HS6ST3: variants seen among roughly 807,000 people sequenced by gnomAD.
HS6ST3 encodes the protein heparan sulfate 6-O-sulfotransferase 3.
A neutral mutation model predicts 36.7 loss-of-function variants in HS6ST3; 12 were observed. That is an observed-to-expected ratio of 0.33 (90% confidence interval 0.21 to 0.53). The LOEUF (loss-of-function observed/expected upper bound fraction) is 0.53. HS6ST3 is among the 20% of genes least tolerant of loss of function. The pLI is 0.95. For missense variants in HS6ST3, 584 were observed against 640.9 expected (o/e 0.91, Z 0.96); for synonymous variants, 240 against 257.5 (o/e 0.93, Z 0.65).
At chr13:96,322,414 A>G (rs571172854) in intron 1 of HS6ST3, among the ~76,000 whole-genome samples, 2 of 148,188 alleles carry the variant, frequency 1.3e-5, no homozygotes, top group East Asian at 2.0e-4. Flanking sequence ...AGCATTATCC[A>G]GGTGTGGTGG....
At chr13:96,290,729 T>C (rs1481987657) in intron 1 of HS6ST3, among the ~76,000 whole-genome samples, 2 of 152,170 alleles carry the variant, frequency 1.3e-5, no homozygotes, top group East Asian at 3.9e-4. Context: ...ATTCCTTGGC[T>C]CAGAACCCAC....
intron 1 of HS6ST3, among the ~76,000 whole-genome samples, chr13:96,393,900 A>G (rs2055408164): frequency 6.6e-6 from 1 of 152,160 alleles, no homozygotes; most frequent in Non-Finnish European, 1.5e-5. Flanking sequence ...TTCTTAGTGG[A>G]TAAGGCCACT....
intron 1 of HS6ST3, among the ~76,000 whole-genome samples, chr13:96,200,636 A>G (rs972007527): frequency 6.6e-6 from 1 of 151,854 alleles, no homozygotes; most frequent in African/African-American, 2.4e-5. Flanking sequence ...ATTTTTTCCC[A>G]TTTGTTATAT....
At chr13:96,662,124 G>T (rs1238943985) in intron 1 of HS6ST3, among the ~76,000 whole-genome samples, 1 of 152,090 alleles carries the variant, frequency 6.6e-6, no homozygotes, top group Non-Finnish European at 1.5e-5. Flanking sequence ...AGTCTCTTGT[G>T]TCTGAATATC....
At chr13:96,409,851 A>G (rs1395239381) in intron 1 of HS6ST3, among the ~76,000 whole-genome samples, 3 of 152,200 alleles carry the variant, frequency 2.0e-5, no homozygotes, top group South Asian at 4.1e-4. Flanking sequence ...GTTACACCAT[A>G]TAAAACATCT....
At chr13:96,353,851 C>T (rs2055196897) in intron 1 of HS6ST3, among the ~76,000 whole-genome samples, 2 of 152,208 alleles carry the variant, frequency 1.3e-5, no homozygotes, top group Middle Eastern at 3.4e-3. Context: ...TACTCAGCTT[C>T]GCATTTAAAT....
intron 1 of HS6ST3, among the ~76,000 whole-genome samples, chr13:96,360,538 A>T (rs999449177): frequency 2.6e-5 from 4 of 151,860 alleles, no homozygotes; most frequent in Non-Finnish European, 5.9e-5. Flanking sequence ...ATAGCTACTA[A>T]TATCCTGTCA....
intron 1 of HS6ST3, among the ~76,000 whole-genome samples, chr13:96,264,232 C>G (rs569965268): frequency 2.6e-4 from 40 of 152,116 alleles, no homozygotes; most frequent in Non-Finnish European, 5.1e-4. Flanking sequence ...ATCACTATGC[C>G]TCCCTGGACT....
At chr13:96,295,165 C>T (rs1484854770) in intron 1 of HS6ST3, among the ~76,000 whole-genome samples, 2 of 152,058 alleles carry the variant, frequency 1.3e-5, no homozygotes, top group African/African-American at 2.4e-5. Context: ...TATTTTGTAC[C>T]TTTTAAACAG....
chr13:96,760,486 A>T, intron 1 of HS6ST3, among the ~76,000 whole-genome samples: 1 of 134,836 alleles, frequency 7.4e-6, no homozygotes. Context: ...GTTGTTCTGT[A>T]AAAAAAAAAA....
intron 1 of HS6ST3, among the ~76,000 whole-genome samples, chr13:96,143,423 G>C (rs546117072): frequency 2.7e-5 from 4 of 147,840 alleles, no homozygotes; most frequent in African/African-American, 9.8e-5. Flanking sequence ...ATTTTCTTAA[G>C]CAAATATATA....
At chr13:96,387,310 G>C (rs2055373289) in intron 1 of HS6ST3, among the ~76,000 whole-genome samples, 1 of 152,114 alleles carries the variant, frequency 6.6e-6, no homozygotes, top group South Asian at 2.1e-4. Flanking sequence ...CAGGAGTGTG[G>C]TGAATGACTC....
Position 96,742,569 on chromosome 13 carries a change from A to C in HS6ST3, c.708-89921A>C, listed in dbSNP as rs115631683. 6.0e-3 allele frequency among the ~76,000 whole-genome samples: 920 copies of C among 152,184 alleles called. 12 individuals are homozygous for C. Among genetic ancestry groups the C allele is most frequent in the African/African-American group, 0.021 (862 of 41,534 alleles). ...AAGTTATTTGCTACCTGTTGCTGTA[A>C]AATTTCCAACTCATGCACATCTTAA... On this transcript the variant is annotated intron_variant, in intron 1 of 1. Coordinates refer to ENST00000376705, the MANE Select transcript of HS6ST3 (RefSeq NM_153456.4).
At chr13:96,393,620 G>A (rs1333350449) in intron 1 of HS6ST3, among the ~76,000 whole-genome samples, 2 of 152,140 alleles carry the variant, frequency 1.3e-5, no homozygotes, top group African/African-American at 4.8e-5. Context: ...AGAAGAGAAA[G>A]GTAAGCACTT....
rs371698480 is a variant in HS6ST3, at chr13:96,139,541, G to GCAAAAAAAAAAAAA, written c.707+47972_707+47973insCAAAAAAAAAAAAA. ...TTTTCCTGAAATACTGTAAGATTCA[G>GCAAAAAAAAAAAAA]AAAAAAAAAAAAAAAAAAAAAAAAA... On this transcript the variant is annotated intron_variant, in intron 1 of 1. Coordinates refer to ENST00000376705, the MANE Select transcript of HS6ST3 (RefSeq NM_153456.4). Among the ~76,000 whole-genome samples the GCAAAAAAAAAAAAA allele has an allele frequency of 7.4e-4, 49 of 66,278 alleles. 3 individuals carry two copies. The highest frequency in any genetic ancestry group is 2.9e-3 in the African/African-American group (47 of 16,356). The allele number at this position is 66,278 out of a possible 152,430, so 43.5% of individuals were successfully genotyped here. A position where few individuals can be genotyped will look rare whatever the true frequency, so the allele number is the denominator to read the frequency against.
chr13:96,682,491 T>A (rs1034891605), intron 1 of HS6ST3, among the ~76,000 whole-genome samples: 5 of 152,104 alleles, frequency 3.3e-5, no homozygotes, highest in Non-Finnish European at 5.9e-5. Flanking sequence ...GAGCTCTGGC[T>A]GTAAATTGGG....
At chr13:96,290,160 CT>C (rs140987973) in intron 1 of HS6ST3, among the ~76,000 whole-genome samples, 8,399 of 152,102 alleles carry the variant, frequency 0.055, 313 homozygotes, top group East Asian at 0.15. Flanking sequence ...AATGCTCCCC[CT>C]GATGCCAGTT....
At chr13:96,305,602 A>C (rs1303254734) in intron 1 of HS6ST3, among the ~76,000 whole-genome samples, 2 of 152,168 alleles carry the variant, frequency 1.3e-5, no homozygotes, top group Non-Finnish European at 2.9e-5. Flanking sequence ...TCACATAAAT[A>C]ATATGTGACT....
At chr13:96,591,023 T>C (rs911198038) in intron 1 of HS6ST3, among the ~76,000 whole-genome samples, 23 of 151,926 alleles carry the variant, frequency 1.5e-4, no homozygotes, top group African/African-American at 5.6e-4. Context: ...TGTTTCTGTG[T>C]TCTCTGTTTT....
Sources: gnomAD v4.1 joint callset for allele counts (sites outside exome capture counted in the v4.1 genomes callset) on GRCh38, gnomAD v4.1.1 for gene constraint, MANE v1.5 for transcripts, NCBI Gene and HGNC (gene_info 2026-07-23, HGNC 2026-07-21) for gene names.